KANK4: variants seen among roughly 807,000 people sequenced by gnomAD.
KANK4 encodes the protein KN motif and ankyrin repeat domain-containing protein 4.
Under a neutral mutation model 80.8 loss-of-function variants are expected in KANK4, and 50 were observed. The observed-to-expected ratio is 0.62, with a 90% confidence interval of 0.49 to 0.78. The LOEUF (loss-of-function observed/expected upper bound fraction) is 0.78. KANK4 is among the 30% of genes least tolerant of loss of function. KANK4 has a pLI of 0.00. For synonymous variants in KANK4, 465 were observed against 506.9 expected (o/e 0.92, Z 1.11); for missense variants, 1,196 against 1,240.1 (o/e 0.96, Z 0.53).
In KANK4 at chr1:62,274,436, C is replaced by G. The variant is rs767511820; in HGVS notation, c.668G>C (p.Arg223Pro). ...TCCCTCCTGGACCAGCTCTGGAATCCGAGTTGATGCTCGTGGGCTGGAGCT... is the reference window on the plus strand; with the variant it reads ...TCCCTCCTGGACCAGCTCTGGAATCGGAGTTGATGCTCGTGGGCTGGAGCT... ...FHSSSPRAST[R>P]IPELVQEGAE... Residue 223 changes from arginine (R) to proline (P), a missense_variant, in exon 3 of 10, where the codon CGG (arginine) becomes CCG (proline). Transcript: ENST00000371153. 1.9e-5 allele frequency: 30 copies of G among 1,614,062 alleles called. No individual in the cohort carries two copies. The highest frequency in any genetic ancestry group is 2.5e-5 in the Non-Finnish European group (29 of 1,180,034).
Position 62,284,963 on chromosome 1 carries a change from T to C in KANK4, c.-70-3329A>G, listed in dbSNP as rs183461204. ...GAACAAAATAAAAGGAACAAAATTG[T>C]CTGTCTTCAAAGGGAACCCATGGAA... On this transcript the variant is annotated intron_variant, in intron 1 of 9. Coordinates refer to ENST00000371153, the MANE Select transcript of KANK4 (RefSeq NM_181712.5). Among the ~76,000 whole-genome samples the C allele has an allele frequency of 4.1e-4, 63 of 152,324 alleles. 1 individual carries two copies. Among genetic ancestry groups the C allele is most frequent in the Admixed American group, 3.1e-3 (47 of 15,306 alleles).
At chr1:62,278,099 A>G (rs939377136) in intron 2 of KANK4, among the ~76,000 whole-genome samples, 3 of 152,220 alleles carry the variant, frequency 2.0e-5, no homozygotes, top group South Asian at 2.1e-4. Flanking sequence ...GCTCTAGGTC[A>G]TGGGAGTCAC....
intron 2 of KANK4, among the ~76,000 whole-genome samples, chr1:62,277,185 G>A (rs989705110): frequency 1.1e-4 from 17 of 152,184 alleles, no homozygotes; most frequent in Non-Finnish European, 2.2e-4. Flanking sequence ...ACAGATGCAT[G>A]CTTATAGTAC....
At chr1:62,267,509 G>T (rs942227995) in intron 5 of KANK4, among the ~76,000 whole-genome samples, 3 of 152,116 alleles carry the variant, frequency 2.0e-5, no homozygotes, top group African/African-American at 7.2e-5. Flanking sequence ...CACTTTAAAA[G>T]ACACATCACC....
chr1:62,296,738 G>A (rs1454863178), intron 1 of KANK4, among the ~76,000 whole-genome samples: 1 of 151,794 alleles, frequency 6.6e-6, no homozygotes, highest in African/African-American at 2.4e-5. Flanking sequence ...CAGTGTTTTG[G>A]CATGTTGTCC....
chr1:62,250,064 C>T (rs930340245), intron 8 of KANK4, among the ~76,000 whole-genome samples: 21 of 152,070 alleles, frequency 1.4e-4, no homozygotes, highest in Admixed American at 1.3e-3. Flanking sequence ...TGGCTCACTG[C>T]AATCTCCGCC....
chr1:62,261,748 C>T (rs961414070), intron 7 of KANK4, among the ~76,000 whole-genome samples: 2 of 152,196 alleles, frequency 1.3e-5, no homozygotes, highest in Non-Finnish European at 2.9e-5. Context: ...ACCCTTCCAA[C>T]CTTAATTCCC....
At chr1:62,285,799 A>G (rs80311776) in intron 1 of KANK4, among the ~76,000 whole-genome samples, 1 of 152,144 alleles carries the variant, frequency 6.6e-6, no homozygotes, top group East Asian at 1.9e-4. Flanking sequence ...AAAAAAAAAA[A>G]TCACCTGTAC....
At chr1:62,247,444 C>T in intron 9 of KANK4, 28 bp downstream of exon 9, 1 of 1,608,462 alleles carries the variant, frequency 6.2e-7, no homozygotes, top group Non-Finnish European at 8.5e-7. Context: ...CCAGCAACAG[C>T]TACTTGTTAA....
intron 1 of KANK4, among the ~76,000 whole-genome samples, chr1:62,313,881 T>TA (rs779121757): frequency 7.2e-5 from 11 of 152,018 alleles, no homozygotes; most frequent in Non-Finnish European, 1.2e-4. Context: ...AATTTTTTTT[T>TA]AAATTTAAAC....
intron 9 of KANK4, among the ~76,000 whole-genome samples, chr1:62,245,231 CATA>C (rs1044843058): frequency 6.6e-6 from 1 of 152,236 alleles, no homozygotes; most frequent in Non-Finnish European, 1.5e-5. Context: ...TGTTTGACCA[CATA>C]ATGTTTGGAA....
At position 62,268,408 on chromosome 1, in the gene KANK4, G is replaced by A; in HGVS notation, c.2110C>T (p.His704Tyr). 1 of 1,614,012 alleles carries A rather than the reference G, an allele frequency of 6.2e-7. No homozygotes were observed. The highest frequency in any genetic ancestry group is 8.5e-7 in the Non-Finnish European group (1 of 1,180,000). ...AGATGGGCATCTTTGACATGCTTGT[G>A]ATCTGGGCCGTCACACTTCTTCTCT... is the stretch of plus-strand genomic sequence containing the variant. Reference protein sequence around the residue: ...EAEKKCDGPDHKHVKDAHLTC... With the variant: ...EAEKKCDGPDYKHVKDAHLTC... The change falls in exon 5 of 10, where the codon CAC becomes TAC. Residue 704 changes from histidine to tyrosine, a missense_variant. Physicochemically the swap from His to Tyr is moderately conservative, Grantham distance 83. Transcript: ENST00000371153.
intron 7 of KANK4, 36 bp from the exon 8 acceptor site, chr1:62,253,245 G>C: frequency 7.0e-6 from 11 of 1,567,612 alleles, no homozygotes; most frequent in Non-Finnish European, 9.5e-6. Flanking sequence ...AAAGGCTCCT[G>C]AGGGGCCAGG....
chr1:62,268,384 G>A lies in KANK4; in HGVS notation c.2134C>T (p.Leu712Phe), dbSNP rs1385266624. 6.2e-7 allele frequency: 1 copy of A among 1,614,086 alleles called. No homozygotes were observed. Among genetic ancestry groups the A allele is most frequent in the Admixed American group, 1.7e-5 (1 of 60,024 alleles). Residue 712 changes from leucine (L) to phenylalanine (F), a missense_variant, in exon 5 of 10, where the codon CTC becomes TTC. By Grantham distance (22) the Leu-to-Phe change is conservative. This residue lies in a region of KANK4 where 1,154 missense variants were observed against 1,179.6 expected (regional missense o/e 0.98). Coordinates refer to ENST00000371153, the MANE Select transcript of KANK4 (RefSeq NM_181712.5). The part of the protein sequence containing the change: ...PDHKHVKDAH[L>F]TCEAGQGIPE... Reference sequence around the variant, plus strand: ...ATGCCCTGCCCAGCCTCGCAGGTGAGATGGGCATCTTTGACATGCTTGTGA... The same window carrying A: ...ATGCCCTGCCCAGCCTCGCAGGTGAAATGGGCATCTTTGACATGCTTGTGA...
Position 62,311,988 on chromosome 1 carries a change from C to T in KANK4, c.-71+7118G>A, listed in dbSNP as rs115069170. ...GGGATAAAGCTTACTGACTTCCTGT[C>T]GGGGGTCTTAACCTTTTTTGTGCCT... On this transcript the variant is annotated intron_variant, in intron 1 of 9. Transcript: ENST00000371153. 5.0e-3 allele frequency among the ~76,000 whole-genome samples: 762 copies of T among 152,214 alleles called. 6 individuals are homozygous for T. The highest frequency in any genetic ancestry group is 0.018 in the African/African-American group (740 of 41,550).
At chr1:62,282,914 CAA>C (rs2149153491) in intron 1 of KANK4, among the ~76,000 whole-genome samples, 1 of 152,332 alleles carries the variant, frequency 6.6e-6, no homozygotes, top group Non-Finnish European at 1.5e-5. Flanking sequence ...TTGTTGAAAA[CAA>C]AGAGCTAGAG....
chr1:62,248,827 G>GAGCC (rs1295465785), intron 8 of KANK4, among the ~76,000 whole-genome samples: 9 of 149,840 alleles, frequency 6.0e-5, no homozygotes, highest in Admixed American at 1.3e-4. Context: ...TTACAGGTGT[G>GAGCC]AGCCACTGTG....
chr1:62,261,934 A>C (rs1294946219), intron 7 of KANK4, among the ~76,000 whole-genome samples: 2 of 152,026 alleles, frequency 1.3e-5, no homozygotes, highest in Admixed American at 6.6e-5. Flanking sequence ...TGCATTCTCT[A>C]TCTCTCTTTC....
chr1:62,301,605 C>T (rs1433837176), intron 1 of KANK4, among the ~76,000 whole-genome samples: 1 of 150,858 alleles, frequency 6.6e-6, no homozygotes, highest in Non-Finnish European at 1.5e-5. Context: ...GGTCTGAATC[C>T]CAGCTCTGCC....
Sources: allele counts gnomAD v4.1 joint callset (sites outside exome capture counted in the v4.1 genomes callset), GRCh38; gene constraint gnomAD v4.1.1; regional missense constraint gnomAD v4.1.1; transcripts MANE v1.5; gene names NCBI Gene and HGNC (gene_info 2026-07-23, HGNC 2026-07-21).